The following KDM5B variants were observed in gnomAD, a reference collection of about 807,000 sequenced individuals.
The protein encoded by KDM5B is lysine demethylase 5B, also known as lysine-specific demethylase 5B.
In KDM5B, 144 loss-of-function variants were observed where a neutral mutation model predicts 193.4. The ratio of observed to expected loss-of-function variants is 0.74; its 90% CI spans 0.65 to 0.86. The LOEUF (loss-of-function observed/expected upper bound fraction) is 0.86, where lower values mean the gene tolerates loss of function less well. Ranked by LOEUF, KDM5B falls within the 40% of genes least tolerant of loss-of-function variation. The pLI is 0.00. For missense variants in KDM5B, 1,833 were observed against 1,886.9 expected, an observed-to-expected ratio of 0.97 and a Z score of 0.53; for synonymous variants, 668 against 682.6, an observed-to-expected ratio of 0.98 and a Z score of 0.33.
At chr1:202,731,287 TA>T (rs1171044795) in intron 24 of KDM5B, among the ~76,000 whole-genome samples, 1 of 152,220 alleles carries the variant, frequency 6.6e-6, no homozygotes, top group Non-Finnish European at 1.5e-5. Flanking sequence ...TTACTAGTAT[TA>T]ATTATACACT....
At chr1:202,793,499 G>T (rs1440608957) in intron 1 of KDM5B, among the ~76,000 whole-genome samples, 1 of 152,130 alleles carries the variant, frequency 6.6e-6, no homozygotes, top group Non-Finnish European at 1.5e-5. Flanking sequence ...AAGAAGGGCT[G>T]ATATTTTAAG....
Position 202,738,117 on chromosome 1 carries a change from G to A in KDM5B, c.3085-1725C>T, listed in dbSNP as rs142624770. Among the ~76,000 whole-genome samples, 324 of 152,266 alleles carry A rather than the reference G, an allele frequency of 2.1e-3. 2 individuals are homozygous for A. Among genetic ancestry groups the A allele is most frequent in the Middle Eastern group, 3.4e-3 (1 of 294 alleles). On this transcript the variant is annotated intron_variant, in intron 20 of 26. Coordinates refer to ENST00000367265, the MANE Select transcript of KDM5B (RefSeq NM_006618.5). ...TCCTTGTTGTTAGTCATGTGTAGCA[G>A]TCCTTAAATATATGATGCAAAAAAA...
intron 22 of KDM5B, 62 bp from the exon 23 acceptor site, chr1:202,733,948 A>G: frequency 5.2e-6 from 8 of 1,543,316 alleles, no homozygotes; most frequent in Non-Finnish European, 5.2e-6. Flanking sequence ...CCTAAAACTC[A>G]GAGTCCTAGT....
intron 20 of KDM5B, among the ~76,000 whole-genome samples, chr1:202,739,591 C>T (rs1228690786): frequency 6.6e-6 from 1 of 151,934 alleles, no homozygotes; most frequent in Non-Finnish European, 1.5e-5. Context: ...GAACAAAGGT[C>T]TCTGGTTTTC....
At chr1:202,735,846 A>T (rs1655072987) in intron 21 of KDM5B, among the ~76,000 whole-genome samples, 1 of 152,254 alleles carries the variant, frequency 6.6e-6, no homozygotes, top group South Asian at 2.1e-4. Flanking sequence ...CATGATGCAC[A>T]AGCAAGTTTA....
At chr1:202,775,879 A>AAAAAATAT (rs1553358956) in intron 2 of KDM5B, among the ~76,000 whole-genome samples, 1 of 93,202 alleles carries the variant, frequency 1.1e-5, no homozygotes, top group African/African-American at 4.5e-5. Context: ...AAAAAAAAAA[A>AAAAAATAT]ATATATATAT....
chr1:202,807,459 T>C (rs1571467471), intron 1 of KDM5B, among the ~76,000 whole-genome samples: 1 of 103,598 alleles, frequency 9.7e-6, no homozygotes, highest in African/African-American at 3.7e-5. Flanking sequence ...GGCCGCCCCC[T>C]TCTTGACCCC....
intron 7 of KDM5B, among the ~76,000 whole-genome samples, chr1:202,762,456 G>GA (rs545399561): frequency 8.5e-5 from 13 of 152,284 alleles, no homozygotes; most frequent in African/African-American, 3.1e-4. Context: ...ATGTATTCCA[G>GA]AAAATCGCAG....
intron 1 of KDM5B, among the ~76,000 whole-genome samples, chr1:202,780,856 A>T (rs1486911506): frequency 6.6e-6 from 1 of 152,032 alleles, no homozygotes; most frequent in Non-Finnish European, 1.5e-5. Flanking sequence ...CTACATATAC[A>T]TATGACAAAA....
At chr1:202,741,800 T>A (rs761568261) in intron 18 of KDM5B, 78 bp from the exon 19 acceptor site, 16 of 795,610 alleles carry the variant, frequency 2.0e-5, no homozygotes, top group Non-Finnish European at 3.0e-5. Context: ...GAATCTTAAA[T>A]TCATATTCAA....
rs749862065 is a variant in KDM5B at position 202,756,420 on chromosome 1, T to C, written c.1294A>G (p.Lys432Glu). The C allele has an allele frequency of 1.1e-5, 18 of 1,613,722 alleles. No homozygotes were observed. The highest frequency in any genetic ancestry group is 1.7e-5 in the Admixed American group (1 of 59,948). The change falls in exon 10 of 27, where the codon AAG becomes GAG. Residue 432 changes from lysine (K) to glutamate (E), a missense_variant. Physicochemically the swap from Lys to Glu is moderately conservative, Grantham distance 56. Transcript: ENST00000367265. ...ACAGGAAAGCCACTGCCAAATTCCT[T>C]TGAGGCAATGTCAGCTCCATATTCC... ...TVEYGADIAS[K>E]EFGSGFPVRD... is the part of the protein sequence containing the mutation.
intron 11 of KDM5B, among the ~76,000 whole-genome samples, chr1:202,754,966 T>A (rs1253445129): frequency 1.3e-5 from 2 of 152,240 alleles, no homozygotes; most frequent in African/African-American, 2.4e-5. Context: ...ATTACAGGCG[T>A]GAGCCACTGC....
chr1:202,740,327 C>T (rs61820951), intron 20 of KDM5B, among the ~76,000 whole-genome samples: 7,251 of 133,304 alleles, frequency 0.054, 653 homozygotes, highest in East Asian at 0.24. Context: ...CGCCCCTCAC[C>T]TCCCGGACGG....
chr1:202,799,483 A>C (rs187680001), intron 1 of KDM5B, among the ~76,000 whole-genome samples: 2 of 152,114 alleles, frequency 1.3e-5, no homozygotes, highest in East Asian at 3.9e-4. Flanking sequence ...GAGAAACCCC[A>C]TCTCTACTAA....
At chr1:202,738,691 CTTT>C (rs1001790817) in intron 20 of KDM5B, among the ~76,000 whole-genome samples, 1 of 149,656 alleles carries the variant, frequency 6.7e-6, no homozygotes. Flanking sequence ...GAACTTGAGA[CTTT>C]TTTTTTTCTC....
intron 24 of KDM5B, 141 bp from the exon 25 acceptor site, chr1:202,731,204 G>T: frequency 1.6e-6 from 1 of 641,662 alleles, no homozygotes; most frequent in Non-Finnish European, 2.5e-6. Flanking sequence ...ACCTTCAGTT[G>T]AAGTGAGGTT....
At position 202,748,939 on chromosome 1, in the gene KDM5B, C is replaced by A; in HGVS notation, c.2016+6G>T. 1 of 1,605,814 alleles carries A rather than the reference C, an allele frequency of 6.2e-7. No homozygotes were observed. Among genetic ancestry groups the A allele is most frequent in the Middle Eastern group, 1.7e-4 (1 of 6,012 alleles). On this transcript the variant is annotated splice_donor_region_variant and intron_variant, in intron 14 of 26. Transcript: ENST00000367265. ...CAACATGCAGTTGGATTTCCATAAGCCTTACCAATTTACGGACAGTTTCTC... is the reference window on the plus strand; with the variant it reads ...CAACATGCAGTTGGATTTCCATAAGACTTACCAATTTACGGACAGTTTCTC...
intron 1 of KDM5B, among the ~76,000 whole-genome samples, chr1:202,782,248 C>T (rs577330940): frequency 3.3e-5 from 5 of 152,314 alleles, no homozygotes; most frequent in African/African-American, 1.2e-4. Flanking sequence ...GGGACATTCA[C>T]TGTCAGCTGC....
chr1:202,804,162 T>C (rs1658192146), intron 1 of KDM5B, among the ~76,000 whole-genome samples: 1 of 152,130 alleles, frequency 6.6e-6, no homozygotes, highest in Admixed American at 6.5e-5. Flanking sequence ...TACAATTGAT[T>C]GTGGTGATGG....
Sources: allele counts gnomAD v4.1 joint callset (sites outside exome capture counted in the v4.1 genomes callset), GRCh38; gene constraint gnomAD v4.1.1; transcripts MANE v1.5; gene names NCBI Gene and HGNC (gene_info 2026-07-23, HGNC 2026-07-21).